NPY2R: variants seen among roughly 807,000 people sequenced by gnomAD.
NPY2R encodes neuropeptide Y receptor type 2.
NPY2R carries 17 observed loss-of-function variants against 22.3 expected under a neutral mutation model. That is an observed-to-expected ratio of 0.76 (90% CI 0.52 to 1.14). The LOEUF (loss-of-function observed/expected upper bound fraction) is 1.14. Among genes scored for constraint, NPY2R ranks in the 50% most tolerant of loss-of-function variants. The pLI is 0.00. For synonymous variants in NPY2R, 209 were observed against 183.4 expected (o/e 1.14, Z -1.13); for missense variants, 424 against 467.9 (o/e 0.91, Z 0.87).
the NPY2R span, among the ~76,000 whole-genome samples, chr4:155,180,411 T>C: frequency 6.6e-5 from 10 of 152,230 alleles, no homozygotes; most frequent in Non-Finnish European, 8.8e-5. Context: ...ATTACACAGA[T>C]GATTTTCTAC....
chr4:155,209,459 A>G (rs1473836070), intron 1 of NPY2R, among the ~76,000 whole-genome samples: 1 of 152,208 alleles, frequency 6.6e-6, no homozygotes, highest in Admixed American at 6.5e-5. Flanking sequence ...TCCATCAGAA[A>G]GGCTCACCCA....
chr4:155,185,318 G>T, the NPY2R span, among the ~76,000 whole-genome samples: 1 of 152,036 alleles, frequency 6.6e-6, no homozygotes. Flanking sequence ...GATTACAGGC[G>T]TGAGCCACCG....
rs1375512283 is a variant in NPY2R at position 155,216,507 on chromosome 4, T to C, written c.*1422T>C. Reference sequence around the variant, plus strand: ...GTAAATATGACAGAATTTGTGAATATATTTTTAAAGCAAAAAACTTCAACA... The same window carrying C: ...GTAAATATGACAGAATTTGTGAATACATTTTTAAAGCAAAAAACTTCAACA... On this transcript the variant is annotated 3_prime_UTR_variant, in exon 2 of 2. Coordinates refer to ENST00000329476, the MANE Select transcript of NPY2R (RefSeq NM_000910.4). 2.4e-5 allele frequency: 4 copies of C among 166,646 alleles called. No individual in the cohort carries two copies. Among genetic ancestry groups the C allele is most frequent in the African/African-American group, 9.6e-5 (4 of 41,456 alleles). 10.3% of individuals were successfully genotyped at this position (166,646 alleles called of 1,614,324 possible). A position where few individuals can be genotyped will look rare whatever the true frequency, so the allele number is the denominator to read the frequency against.
chr4:155,211,484 A>T (rs1019597707), intron 1 of NPY2R, among the ~76,000 whole-genome samples: 1 of 152,116 alleles, frequency 6.6e-6, no homozygotes, highest in East Asian at 1.9e-4. Context: ...GGCCAGAGGG[A>T]TATGCAGGGA....
the NPY2R span, among the ~76,000 whole-genome samples, chr4:155,200,581 T>C: frequency 6.6e-6 from 1 of 151,982 alleles, no homozygotes; most frequent in Non-Finnish European, 1.5e-5. Context: ...CTATTTACAA[T>C]AGTAAAGACA....
chr4:155,210,439 T>C (rs1341882614), intron 1 of NPY2R, among the ~76,000 whole-genome samples: 1 of 151,366 alleles, frequency 6.6e-6, no homozygotes, highest in Non-Finnish European at 1.5e-5. Context: ...TTCAATCTCA[T>C]GCTTCCTCTC....
the NPY2R span, among the ~76,000 whole-genome samples, chr4:155,184,612 T>C: frequency 6.6e-6 from 1 of 152,222 alleles, no homozygotes; most frequent in South Asian, 2.1e-4. Context: ...ATAAAAAAGG[T>C]CTGAGACCTA....
intron 1 of NPY2R, among the ~76,000 whole-genome samples, chr4:155,212,679 G>C (rs1464375502): frequency 6.6e-6 from 1 of 152,140 alleles, no homozygotes; most frequent in Non-Finnish European, 1.5e-5. Flanking sequence ...AAGATGATTA[G>C]AGTAATCATG....
the NPY2R span, among the ~76,000 whole-genome samples, chr4:155,184,564 T>C: frequency 6.6e-6 from 1 of 152,134 alleles, no homozygotes; most frequent in Non-Finnish European, 1.5e-5. Context: ...ACACTCTCTC[T>C]ACCAGGAATG....
chr4:155,203,771 C>T (rs2342675), upstream of NPY2R, among the ~76,000 whole-genome samples: 72,177 of 152,000 alleles, frequency 0.47, 18,122 homozygotes, highest in African/African-American at 0.64. Context: ...ATTCACTAAA[C>T]GTATCAAGCA....
At position 155,215,163 on chromosome 4, in the gene NPY2R, A is replaced by T. The variant is rs565733832; in HGVS notation, c.*78A>T. The T allele has an allele frequency of 1.8e-4, 230 of 1,311,030 alleles. No homozygotes were observed. In the African/African-American group the frequency reaches 3.1e-3, roughly 18 times the overall value. The allele number at this position is 1,311,030 out of a possible 1,614,324, so 81.2% of individuals were successfully genotyped here. A position where few individuals can be genotyped will look rare whatever the true frequency, so the allele number is the denominator to read the frequency against. On this transcript the variant is annotated 3_prime_UTR_variant, in exon 2 of 2. Transcript: ENST00000329476. ...TGGTTGATGGCGGCTCACAAGTGAA[A>T]ACTGATTTCCCATTTTAAAGAAGAA...
At chr4:155,179,042 G>A in the NPY2R span, among the ~76,000 whole-genome samples, 1 of 151,916 alleles carries the variant, frequency 6.6e-6, no homozygotes, top group Non-Finnish European at 1.5e-5. Context: ...CAATTTGCTG[G>A]TAATTTCATT....
the NPY2R span, among the ~76,000 whole-genome samples, chr4:155,187,785 C>T: frequency 6.6e-6 from 1 of 152,222 alleles, no homozygotes; most frequent in South Asian, 2.1e-4. Context: ...TGGCTCAGGT[C>T]ATTTGTAGTT....
chr4:155,206,841 T>A (rs1440735901), upstream of NPY2R: 1 of 152,244 alleles, frequency 6.6e-6, no homozygotes, highest in Non-Finnish European at 1.5e-5. Context: ...GTTGTTTAAA[T>A]CCATTTCTAC....
the NPY2R span, among the ~76,000 whole-genome samples, chr4:155,195,720 G>A: frequency 2.6e-5 from 4 of 151,918 alleles, no homozygotes; most frequent in South Asian, 8.3e-4. Flanking sequence ...TTAGGTAATT[G>A]GAATCTCCAA....
At chr4:155,191,936 A>G in the NPY2R span, among the ~76,000 whole-genome samples, 4 of 151,934 alleles carry the variant, frequency 2.6e-5, no homozygotes, top group African/African-American at 9.7e-5. Flanking sequence ...GTAGGGCAAT[A>G]TGGATTCTAA....
the NPY2R span, among the ~76,000 whole-genome samples, chr4:155,198,378 A>T: frequency 6.7e-6 from 1 of 149,918 alleles, no homozygotes; most frequent in Non-Finnish European, 1.5e-5. Context: ...CAAACCAAAC[A>T]CCAAATTGGT....
At chr4:155,187,282 A>G in the NPY2R span, among the ~76,000 whole-genome samples, 1 of 152,202 alleles carries the variant, frequency 6.6e-6, no homozygotes, top group Non-Finnish European at 1.5e-5. Flanking sequence ...GTGAACAGAT[A>G]GAATAAAATA....
intron 1 of NPY2R, among the ~76,000 whole-genome samples, chr4:155,209,539 A>C (rs983555451): frequency 1.3e-5 from 2 of 152,150 alleles, no homozygotes; most frequent in African/African-American, 2.4e-5. Flanking sequence ...CAATAGGTAC[A>C]CATCATTTAA....
Sources: allele counts gnomAD v4.1 joint callset (sites outside exome capture counted in the v4.1 genomes callset), GRCh38; gene constraint gnomAD v4.1.1; transcripts MANE v1.5; gene names NCBI Gene and HGNC (gene_info 2026-07-23, HGNC 2026-07-21).